Variants in OR2T10 observed in about 807,000 individuals in gnomAD.
The protein encoded by OR2T10 is olfactory receptor 2T10.
For missense variants in OR2T10, 335 were observed against 382.5 expected (o/e 0.88, Z 1.04); for synonymous variants, 125 against 141.8 (o/e 0.88, Z 0.84).
intron 1 of OR2T10, 64 bp from the exon 2 acceptor site, chr1:248,593,860 C>T (rs1255886911): frequency 4.6e-6 from 3 of 652,836 alleles, no homozygotes; most frequent in Non-Finnish European, 7.6e-6. Context: ...ATGTTTGCTT[C>T]ACTTTACCTT....
intron 1 of OR2T10, among the ~76,000 whole-genome samples, chr1:248,594,517 T>C (rs1660062968): frequency 7.0e-6 from 1 of 143,596 alleles, no homozygotes; most frequent in African/African-American, 2.7e-5. Flanking sequence ...GAGTTATTTA[T>C]TCATATTTTC....
In OR2T10 at chr1:248,593,159, C is replaced by T. The variant is rs777888163; in HGVS notation, c.610G>A (p.Val204Ile). 1 of 1,572,702 alleles carries T rather than the reference C, an allele frequency of 6.4e-7. No individual in the cohort carries two copies. The highest frequency in any genetic ancestry group is 8.6e-7 in the Non-Finnish European group (1 of 1,156,496). The change falls in exon 2 of 2, where the codon GTC becomes ATC. Residue 204 changes from valine to isoleucine, a missense_variant. Coordinates refer to ENST00000642090, the MANE Select transcript of OR2T10 (RefSeq NM_001004693.2). ...LYKIFMYLCC[V>I]IMLLIPVTVI... ...GTCACAGGTATCAGGAGCATGATGA[C>T]ACAGCACAAGTACATGAAAATCTTG...
At chr1:248,596,736 G>T (rs187198208) in intron 1 of OR2T10, among the ~76,000 whole-genome samples, 4 of 143,670 alleles carry the variant, frequency 2.8e-5, no homozygotes, top group Admixed American at 6.8e-5. Context: ...CAAACCAGTT[G>T]TGACAGGCTT....
Position 248,593,201 on chromosome 1 carries a change from A to C in OR2T10, c.568T>G (p.Ser190Ala), listed in dbSNP as rs41269353. 34,081 of 1,572,932 alleles carry C rather than the reference A, an allele frequency of 0.022. 4,413 individuals carry two copies. The highest frequency in any genetic ancestry group is 0.027 in the Non-Finnish European group (31,019 of 1,156,428). ...AAAATCTTGTAAAGTGAGGTGTCTG[A>C]GCAAGAGAGCTTCAAAACAGCAGGG... ...EVPAVLKLSCSDTSLYKIFMY... is the reference protein window; with the variant it reads ...EVPAVLKLSCADTSLYKIFMY... The change falls in exon 2 of 2, where the codon TCA becomes GCA. Residue 190 changes from serine to alanine, a missense_variant. Ser to Ala is a moderately conservative substitution (Grantham distance 99). Coordinates refer to ENST00000642090, the MANE Select transcript of OR2T10 (RefSeq NM_001004693.2).
rs1298219382 is a variant in OR2T10, at chr1:248,595,204, CATT to C, written c.-28-1411_-28-1409del. Among the ~76,000 whole-genome samples, 5 of 142,842 alleles carry C rather than the reference CATT, an allele frequency of 3.5e-5. 2 individuals are homozygous for C. The highest frequency in any genetic ancestry group is 8.3e-5 in the African/African-American group (3 of 36,224). The allele number at this position is 142,842 out of a possible 152,430, so 93.7% of individuals were successfully genotyped here. A position where few individuals can be genotyped will look rare whatever the true frequency, so the allele number is the denominator to read the frequency against. On this transcript the variant is annotated intron_variant, in intron 1 of 1. Coordinates refer to ENST00000642090, the MANE Select transcript of OR2T10 (RefSeq NM_001004693.2). ...ATTCTGTGATTTACATATGGATGCT[CATT>C]ATTATTATTCTCTACTTAAAGAAAA...
rs1340030885 is a variant in OR2T10, at chr1:248,591,816, G to A, written c.*1014C>T. The A allele has an allele frequency of 6.9e-6, 1 of 143,900 alleles. No homozygotes were observed. The highest frequency in any genetic ancestry group is 2.7e-5 in the African/African-American group (1 of 36,668). The allele number at this position is 143,900 out of a possible 1,614,324, so 8.9% of individuals were successfully genotyped here. On this transcript the variant is annotated 3_prime_UTR_variant, in exon 2 of 2. Transcript: ENST00000642090. ...TTGTTCATGTTACTCAAACCCATGG[G>A]TTTCAGTTAAATCAACTGTAGAATA...
At position 248,591,837 on chromosome 1, in the gene OR2T10, G is replaced by C. The variant is rs1386053593; in HGVS notation, c.*993C>G. The C allele has an allele frequency of 2.1e-5, 3 of 144,022 alleles. No homozygotes were observed. The highest frequency in any genetic ancestry group is 4.5e-5 in the Non-Finnish European group (3 of 66,388). 8.9% of individuals were successfully genotyped at this position (144,022 alleles called of 1,614,324 possible). On this transcript the variant is annotated 3_prime_UTR_variant, in exon 2 of 2. Coordinates refer to ENST00000642090, the MANE Select transcript of OR2T10 (RefSeq NM_001004693.2). ...ATGGGTTTCAGTTAAATCAACTGTA[G>C]AATAAGGCTAATAATAGGCTGTGAA...
At position 248,592,641 on chromosome 1, in the gene OR2T10, A is replaced by G; in HGVS notation, c.*189T>C. 2.1e-6 allele frequency: 1 copy of G among 465,628 alleles called. No homozygotes were observed. 28.8% of individuals were successfully genotyped at this position (465,628 alleles called of 1,614,324 possible). A position where few individuals can be genotyped will look rare whatever the true frequency, so the allele number is the denominator to read the frequency against. Reference sequence around the variant, plus strand: ...GACTGGACTAGAGATCAATGCTACGAGGGAAGGGGGGGATAAGTGAACATC... The same window carrying G: ...GACTGGACTAGAGATCAATGCTACGGGGGAAGGGGGGGATAAGTGAACATC... On this transcript the variant is annotated 3_prime_UTR_variant, in exon 2 of 2. Transcript: ENST00000642090.
rs192400708 is a variant in OR2T10, at chr1:248,594,842, A to G, written c.-28-1046T>C. 7 of 143,808 alleles carry G rather than the reference A, an allele frequency of 4.9e-5. 2 individuals are homozygous for G. The highest frequency in any genetic ancestry group is 1.9e-4 in the African/African-American group (7 of 36,658). 8.9% of individuals were successfully genotyped at this position (143,808 alleles called of 1,614,324 possible). A position where few individuals can be genotyped will look rare whatever the true frequency, so the allele number is the denominator to read the frequency against. ...CTTATCTTATCGTGACATCCAACAT[A>G]TTTATTGTATGCAGGTAGGTCATCC... On this transcript the variant is annotated intron_variant, in intron 1 of 1. Transcript: ENST00000642090.
In OR2T10 at chr1:248,592,605, T is replaced by A; in HGVS notation, c.*225A>T. 1 of 382,714 alleles carries A rather than the reference T, an allele frequency of 2.6e-6. No homozygotes were observed. Among genetic ancestry groups the A allele is most frequent in the African/African-American group, 2.4e-5 (1 of 42,316 alleles). The allele number at this position is 382,714 out of a possible 1,614,324, so 23.7% of individuals were successfully genotyped here. A position where few individuals can be genotyped will look rare whatever the true frequency, so the allele number is the denominator to read the frequency against. ...CACTGTAATCTAAAAAAAGGACCAT[T>A]GGCCCCGAAGGACTGGACTAGAGAT... On this transcript the variant is annotated 3_prime_UTR_variant, in exon 2 of 2. Transcript: ENST00000642090.
Position 248,593,337 on chromosome 1 carries a change from CAGG to C in OR2T10, c.429_431del (p.Leu144del), listed in dbSNP as rs1660043649. On this transcript the variant is annotated inframe_deletion, in exon 2 of 2. Transcript: ENST00000642090. ...AGCCCACAAACCAGCAGCCTGATGC[CAGG>C]AGGAGACATACCCTATGGCTCATGA... The C allele has an allele frequency of 1.9e-6, 3 of 1,572,988 alleles. No homozygotes were observed. In the Admixed American group the frequency reaches 5.1e-5, roughly 27 times the overall value.
rs1431775312 is a variant in OR2T10 at position 248,593,688 on chromosome 1, G to A, written c.81C>T (p.Leu27=). ...AAAATATACTGAAGATAAGCAAGCA[G>A]AGGCGGCCAGGGTGTGAGATCTGGC... ...IFSQISHPGR[L]CLLIFSIFLM... The change falls in exon 2 of 2, where the codon CTC becomes CTT. Residue 27 remains leucine (L), a synonymous_variant. Coordinates refer to ENST00000642090, the MANE Select transcript of OR2T10 (RefSeq NM_001004693.2). 6.4e-7 allele frequency: 1 copy of A among 1,563,722 alleles called. No homozygotes were observed. The highest frequency in any genetic ancestry group is 1.7e-5 in the Admixed American group (1 of 57,948).
Position 248,593,662 on chromosome 1 carries a change from A to G in OR2T10, c.107T>C (p.Leu36Ser). The G allele has an allele frequency of 6.4e-7, 1 of 1,559,738 alleles. No individual in the cohort carries two copies. The change falls in exon 2 of 2, where the codon TTG becomes TCG. Residue 36 changes from leucine (L) to serine (S), a missense_variant. Coordinates refer to ENST00000642090, the MANE Select transcript of OR2T10 (RefSeq NM_001004693.2). The stretch of plus-strand genomic sequence containing the variant: ...TGTAATATTCCAAGACACAGCCATC[A>G]AAAATATACTGAAGATAAGCAAGCA... ...RLCLLIFSIF[L>S]MAVSWNITLI...
rs1660110009 is a variant in OR2T10, at chr1:248,597,498, AAAGG to A, written c.-39_-36del. The A allele has an allele frequency of 7.0e-6, 1 of 143,376 alleles. No homozygotes were observed. Among genetic ancestry groups the A allele is most frequent in the South Asian group, 2.2e-4 (1 of 4,588 alleles). The allele number at this position is 143,376 out of a possible 1,614,324, so 8.9% of individuals were successfully genotyped here. A position where few individuals can be genotyped will look rare whatever the true frequency, so the allele number is the denominator to read the frequency against. On this transcript the variant is annotated 5_prime_UTR_variant, in exon 1 of 2. Transcript: ENST00000642090. ...TAAATTATTCCTTTCTTACTGGAAC[AAAGG>A]AAGAAATGTAATACCCTGAGGAATT...
In OR2T10 at chr1:248,592,663, C is replaced by T; in HGVS notation, c.*167G>A. The T allele has an allele frequency of 2.0e-6, 1 of 490,880 alleles. No individual in the cohort carries two copies. Among genetic ancestry groups the T allele is most frequent in the Non-Finnish European group, 3.6e-6 (1 of 278,850 alleles). The allele number at this position is 490,880 out of a possible 1,614,324, so 30.4% of individuals were successfully genotyped here. A position where few individuals can be genotyped will look rare whatever the true frequency, so the allele number is the denominator to read the frequency against. On this transcript the variant is annotated 3_prime_UTR_variant, in exon 2 of 2. Transcript: ENST00000642090. Reference sequence around the variant, plus strand: ...ACGAGGGAAGGGGGGGATAAGTGAACATCATCTCAAGTGTGATTATAGGAG... The same window carrying T: ...ACGAGGGAAGGGGGGGATAAGTGAATATCATCTCAAGTGTGATTATAGGAG...
In OR2T10 at chr1:248,593,112, G is replaced by C; in HGVS notation, c.657C>G (p.Tyr219Ter). The C allele has an allele frequency of 6.4e-7, 1 of 1,573,080 alleles. No individual in the cohort carries two copies. The change falls in exon 2 of 2, where the codon TAC (tyrosine) becomes TAG (stop). Residue 219 changes from tyrosine (Y) to a stop codon, truncating the protein, a stop_gained. Transcript: ENST00000642090. LOFTEE classifies it low-confidence loss of function (END_TRUNC). ...IPVTVISVSY[Y>*]YIILTIHKMN... ...TCTTATGGATGGTGAGGATGATATAGTAGTAAGACACTGAAATGACCGTCA... is the reference window on the plus strand; with the variant it reads ...TCTTATGGATGGTGAGGATGATATACTAGTAAGACACTGAAATGACCGTCA...
rs1660025806 is a variant in OR2T10 at position 248,592,528 on chromosome 1, C to T, written c.*302G>A. On this transcript the variant is annotated 3_prime_UTR_variant, in exon 2 of 2. Transcript: ENST00000642090. ...CCCATGATAGCAAAACAAATTTTCT[C>T]TGTGGTGGAAGGTGCTCAAGGGTCA... The T allele has an allele frequency of 4.4e-6, 1 of 227,758 alleles. No individual in the cohort carries two copies. Among genetic ancestry groups the T allele is most frequent in the Non-Finnish European group, 8.4e-6 (1 of 119,468 alleles). The allele number at this position is 227,758 out of a possible 1,614,324, so 14.1% of individuals were successfully genotyped here.
In OR2T10 at chr1:248,591,651, C is replaced by A. The variant is rs773498579; in HGVS notation, c.*1179G>T. 2.1e-5 allele frequency: 3 copies of A among 144,040 alleles called. No homozygotes were observed. Among genetic ancestry groups the A allele is most frequent in the African/African-American group, 5.5e-5 (2 of 36,678 alleles). 8.9% of individuals were successfully genotyped at this position (144,040 alleles called of 1,614,324 possible). ...GTTTCCAAGGTTGGAGTATGGCCCT[C>A]CCAGAGGGAGAGGCAATGCAGTGTG... On this transcript the variant is annotated 3_prime_UTR_variant, in exon 2 of 2. Transcript: ENST00000642090.
chr1:248,593,678 TAAGC>T lies in OR2T10; in HGVS notation c.87_90del (p.Leu30SerfsTer6). 4.5e-6 allele frequency: 7 copies of T among 1,560,756 alleles called. 1 individual carries two copies. Among genetic ancestry groups the T allele is most frequent in the Non-Finnish European group, 6.1e-6 (7 of 1,148,862 alleles). On this transcript the variant is annotated frameshift_variant, in exon 2 of 2. Coordinates refer to ENST00000642090, the MANE Select transcript of OR2T10 (RefSeq NM_001004693.2). LOFTEE classifies it low-confidence loss of function (END_TRUNC). The stretch of plus-strand genomic sequence containing the variant: ...ACAGCCATCAAAAATATACTGAAGA[TAAGC>T]AAGCAGAGGCGGCCAGGGTGTGAGA...
Sources: gnomAD v4.1 joint callset for allele counts (sites outside exome capture counted in the v4.1 genomes callset) on GRCh38, gnomAD v4.1.1 for gene constraint, MANE v1.5 for transcripts, NCBI Gene and HGNC (gene_info 2026-07-23, HGNC 2026-07-21) for gene names.